The following ERBB4 variants were observed in gnomAD, a reference collection of about 807,000 sequenced individuals.
The protein encoded by ERBB4 is receptor tyrosine-protein kinase erbB-4.
Under a neutral mutation model 158.0 loss-of-function variants are expected in ERBB4, and 42 were observed. The observed-to-expected ratio is 0.27, with a 90% CI of 0.21 to 0.34. ERBB4 has a LOEUF of 0.34. Among genes scored for constraint, ERBB4 ranks in the 10% least tolerant of loss-of-function variants. The pLI, the probability that ERBB4 is intolerant of heterozygous loss-of-function variation, is 1.00. For missense variants in ERBB4, 1,333 were observed against 1,624.1 expected, an observed-to-expected ratio of 0.82 and a Z score of 3.08; for synonymous variants, 583 against 558.7, an observed-to-expected ratio of 1.04 and a Z score of -0.61.
chr2:212,062,551 G>A (rs1340108808), intron 2 of ERBB4, among the ~76,000 whole-genome samples: 2 of 151,644 alleles, frequency 1.3e-5, no homozygotes, highest in Non-Finnish European at 2.9e-5. Flanking sequence ...GAGATTAAAG[G>A]CATGCACCAC....
chr2:211,696,052 C>CCCCTCCCT (rs1223506948), intron 12 of ERBB4, among the ~76,000 whole-genome samples: 1 of 112,882 alleles, frequency 8.9e-6, no homozygotes, highest in African/African-American at 3.4e-5. Context: ...TCCCCTTCCC[C>CCCCTCCCT]CCCTCCCTCC....
At chr2:211,782,164 C>T (rs2076052949) in intron 4 of ERBB4, among the ~76,000 whole-genome samples, 1 of 152,112 alleles carries the variant, frequency 6.6e-6, no homozygotes. Context: ...CTTCCCACCC[C>T]TCTCTCCTTC....
intron 5 of ERBB4, among the ~76,000 whole-genome samples, chr2:211,728,726 T>G (rs1020436420): frequency 1.3e-5 from 2 of 151,828 alleles, no homozygotes; most frequent in Non-Finnish European, 3.0e-5. Context: ...TAGCATGGAG[T>G]CAACAATCTT....
rs371622837 is a variant in ERBB4 at position 211,542,344 on chromosome 2, G to T, written c.2487+19559C>A. ...ATCTCTTAGCTCTGGGCTCCCAGTT[G>T]TGACACTATGGAGTGGAAGAGGAGG... On this transcript the variant is annotated intron_variant, in intron 20 of 27. Transcript: ENST00000342788. 5.3e-5 allele frequency among the ~76,000 whole-genome samples: 8 copies of T among 152,090 alleles called. No individual in the cohort carries two copies. In the East Asian group the frequency reaches 5.8e-4, roughly 11 times the overall value.
At chr2:212,107,370 G>A (rs1341077001) in intron 2 of ERBB4, among the ~76,000 whole-genome samples, 1 of 152,054 alleles carries the variant, frequency 6.6e-6, no homozygotes, top group Non-Finnish European at 1.5e-5. Flanking sequence ...CTTGCATGGG[G>A]GACTTTAGCC....
chr2:211,689,851 T>G (rs2072727235), intron 12 of ERBB4, among the ~76,000 whole-genome samples: 1 of 151,908 alleles, frequency 6.6e-6, no homozygotes, highest in African/African-American at 2.4e-5. Context: ...GAAAGTTGTA[T>G]TATGAGAACA....
intron 1 of ERBB4, among the ~76,000 whole-genome samples, chr2:212,386,936 G>A (rs551755889): frequency 1.3e-5 from 2 of 152,076 alleles, no homozygotes; most frequent in South Asian, 4.2e-4. Context: ...TAGTGGCATG[G>A]CTATAATAGG....
chr2:212,252,841 C>A (rs1574524612), intron 1 of ERBB4, among the ~76,000 whole-genome samples: 1 of 152,016 alleles, frequency 6.6e-6, no homozygotes, highest in South Asian at 2.1e-4. Flanking sequence ...CCAATGCAGA[C>A]ATATGTATTG....
At chr2:211,897,916 C>T (rs551372241) in intron 3 of ERBB4, among the ~76,000 whole-genome samples, 1 of 151,780 alleles carries the variant, frequency 6.6e-6, no homozygotes, top group South Asian at 2.1e-4. Flanking sequence ...ACAACAGTGC[C>T]CGGTTAATAT....
intron 9 of ERBB4, among the ~76,000 whole-genome samples, chr2:211,711,739 C>T (rs2106079427): frequency 6.6e-6 from 1 of 152,178 alleles, no homozygotes; most frequent in East Asian, 1.9e-4. Flanking sequence ...ATACTTTTTT[C>T]CCTAAACATA....
At chr2:211,476,965 TTG>T (rs2064969628) in intron 20 of ERBB4, among the ~76,000 whole-genome samples, 1 of 152,066 alleles carries the variant, frequency 6.6e-6, no homozygotes, top group Non-Finnish European at 1.5e-5. Context: ...ATGGCTAATT[TTG>T]TGTGTCAACT....
At chr2:212,082,198 T>C (rs2078466338) in intron 2 of ERBB4, among the ~76,000 whole-genome samples, 1 of 152,154 alleles carries the variant, frequency 6.6e-6, no homozygotes, top group Non-Finnish European at 1.5e-5. Context: ...GTGTTTACTA[T>C]GTCCAGCTTT....
Position 211,909,080 on chromosome 2 carries a change from A to G in ERBB4, c.421+38350T>C, listed in dbSNP as rs562361526. ...TTAGAATATTATAAACAAGTAAGCTACATACCCTGAATATTAATGTTCATA... is the reference window on the plus strand; with the variant it reads ...TTAGAATATTATAAACAAGTAAGCTGCATACCCTGAATATTAATGTTCATA... On this transcript the variant is annotated intron_variant, in intron 3 of 27. Transcript: ENST00000342788. 1.1e-4 allele frequency among the ~76,000 whole-genome samples: 17 copies of G among 151,854 alleles called. No homozygotes were observed. In the South Asian group the frequency reaches 3.3e-3, roughly 30 times the overall value.
At chr2:212,439,116 T>C (rs1398010365) in intron 1 of ERBB4, among the ~76,000 whole-genome samples, 2 of 152,138 alleles carry the variant, frequency 1.3e-5, no homozygotes, top group African/African-American at 2.4e-5. Flanking sequence ...TTCAACAGTG[T>C]TTCACTACTT....
intron 20 of ERBB4, among the ~76,000 whole-genome samples, chr2:211,466,381 C>T (rs553500548): frequency 6.5e-4 from 96 of 146,698 alleles, no homozygotes; most frequent in African/African-American, 2.4e-3. Context: ...TTCAATGATG[C>T]CATGAAATAT....
intron 4 of ERBB4, among the ~76,000 whole-genome samples, chr2:211,762,643 G>A (rs2075444703): frequency 6.6e-6 from 1 of 152,182 alleles, no homozygotes; most frequent in African/African-American, 2.4e-5. Context: ...ATGGGTCCCT[G>A]AGGAACTGTA....
chr2:212,218,665 A>G (rs2083185061), intron 1 of ERBB4, among the ~76,000 whole-genome samples: 1 of 151,540 alleles, frequency 6.6e-6, no homozygotes, highest in Middle Eastern at 3.4e-3. Context: ...CACATTGGCA[A>G]AAGTGAGTCT....
At chr2:211,952,862 C>T (rs2579979) in intron 2 of ERBB4, among the ~76,000 whole-genome samples, 39,954 of 151,646 alleles carry the variant, frequency 0.26, 5,637 homozygotes, top group East Asian at 0.39. Flanking sequence ...GAACTGCCTG[C>T]AGACAATCTG....
chr2:212,043,112 C>T (rs768293400), intron 2 of ERBB4, among the ~76,000 whole-genome samples: 22 of 152,080 alleles, frequency 1.4e-4, no homozygotes, highest in Non-Finnish European at 2.9e-4. Flanking sequence ...ACTGTTAGTA[C>T]CTTTATGCTT....
Sources: allele counts gnomAD v4.1 joint callset (sites outside exome capture counted in the v4.1 genomes callset), GRCh38; gene constraint gnomAD v4.1.1; transcripts MANE v1.5; gene names NCBI Gene and HGNC (gene_info 2026-07-23, HGNC 2026-07-21).